SLC24A2: variants seen among roughly 807,000 people sequenced by gnomAD.
SLC24A2 encodes sodium/potassium/calcium exchanger 2.
In SLC24A2, 36 loss-of-function variants were observed where a neutral mutation model predicts 62.0. The observed-to-expected ratio is 0.58, with a 90% CI of 0.44 to 0.77. SLC24A2 has a LOEUF of 0.77. Among genes scored for constraint, SLC24A2 ranks in the 30% least tolerant of loss-of-function variants. SLC24A2 has a pLI of 0.00. For synonymous variants in SLC24A2, 358 were observed against 294.0 expected, an observed-to-expected ratio of 1.22 and a Z score of -2.23; for missense variants, 846 against 817.9, an observed-to-expected ratio of 1.03 and a Z score of -0.42.
At chr9:19,953,867 ATGT>A in the SLC24A2 span, among the ~76,000 whole-genome samples, 1 of 152,090 alleles carries the variant, frequency 6.6e-6, no homozygotes, top group East Asian at 1.9e-4. Context: ...CAAAGATATG[ATGT>A]TATCAAAAGA....
chr9:19,869,232 C>T, the SLC24A2 span, among the ~76,000 whole-genome samples: 9 of 152,274 alleles, frequency 5.9e-5, no homozygotes, highest in South Asian at 2.1e-4. Flanking sequence ...TCTCCTGCCT[C>T]GGACTCCCAA....
At chr9:19,561,376 G>C (rs923507202) in intron 7 of SLC24A2, among the ~76,000 whole-genome samples, 2 of 151,522 alleles carry the variant, frequency 1.3e-5, no homozygotes, top group African/African-American at 4.9e-5. Flanking sequence ...TGAAACATTT[G>C]TCTTGCCTTC....
chr9:19,920,879 G>T, the SLC24A2 span, among the ~76,000 whole-genome samples: 8 of 152,068 alleles, frequency 5.3e-5, no homozygotes, highest in Non-Finnish European at 1.0e-4. Flanking sequence ...GCCAACCTGG[G>T]TTCAAACCAG....
At chr9:20,211,752 G>T in the SLC24A2 span, among the ~76,000 whole-genome samples, 2 of 151,980 alleles carry the variant, frequency 1.3e-5, no homozygotes, top group Non-Finnish European at 2.9e-5. Flanking sequence ...AATTGTTAAC[G>T]AGGAAAGGGA....
the SLC24A2 span, among the ~76,000 whole-genome samples, chr9:20,050,981 C>A: frequency 6.6e-6 from 1 of 151,746 alleles, no homozygotes; most frequent in African/African-American, 2.4e-5. Flanking sequence ...AGAAAAAATA[C>A]GTAAAAGAGG....
At chr9:20,290,147 T>A in the SLC24A2 span, among the ~76,000 whole-genome samples, 1 of 152,172 alleles carries the variant, frequency 6.6e-6, no homozygotes, top group Non-Finnish European at 1.5e-5. Context: ...TATTCTCTGC[T>A]GAAAACAAGG....
the SLC24A2 span, among the ~76,000 whole-genome samples, chr9:19,852,996 C>T: frequency 6.6e-6 from 1 of 152,246 alleles, no homozygotes; most frequent in East Asian, 1.9e-4. Context: ...TTTCCTTGAG[C>T]AATGGTTTGT....
At chr9:20,205,630 A>G in the SLC24A2 span, among the ~76,000 whole-genome samples, 4 of 140,186 alleles carry the variant, frequency 2.9e-5, no homozygotes, top group Non-Finnish European at 6.0e-5. Flanking sequence ...CAGGCTGGGT[A>G]ACAGAGTGAG....
the SLC24A2 span, among the ~76,000 whole-genome samples, chr9:20,042,272 G>C: frequency 6.6e-6 from 1 of 152,190 alleles, no homozygotes; most frequent in African/African-American, 2.4e-5. Context: ...GAAAGGAAAA[G>C]AACAACTTCA....
the SLC24A2 span, among the ~76,000 whole-genome samples, chr9:20,234,537 C>T: frequency 6.6e-6 from 1 of 152,238 alleles, no homozygotes; most frequent in Non-Finnish European, 1.5e-5. Context: ...GAGGCTTCTG[C>T]ATTCATCACG....
At chr9:20,143,514 G>A in the SLC24A2 span, among the ~76,000 whole-genome samples, 1 of 152,172 alleles carries the variant, frequency 6.6e-6, no homozygotes, top group Non-Finnish European at 1.5e-5. Flanking sequence ...TACTGCAAAA[G>A]ATGATGAGAG....
the SLC24A2 span, among the ~76,000 whole-genome samples, chr9:20,097,749 T>C: frequency 8.9e-6 from 1 of 112,070 alleles, no homozygotes; most frequent in Non-Finnish European, 1.8e-5. Flanking sequence ...TTTTTTTTTT[T>C]TTTTTTTTTT....
the SLC24A2 span, among the ~76,000 whole-genome samples, chr9:19,988,051 C>G: frequency 1.3e-5 from 2 of 152,150 alleles, no homozygotes; most frequent in East Asian, 1.9e-4. Context: ...GGAAATAGTT[C>G]CTTATTCACA....
intron 8 of SLC24A2, among the ~76,000 whole-genome samples, chr9:19,542,148 G>A (rs1402642040): frequency 1.3e-5 from 2 of 152,186 alleles, no homozygotes; most frequent in Non-Finnish European, 2.9e-5. Context: ...AGATGGAAAT[G>A]CAGAAATCAC....
chr9:19,779,143 G>T (rs1822934607), intron 2 of SLC24A2, among the ~76,000 whole-genome samples: 1 of 152,188 alleles, frequency 6.6e-6, no homozygotes, highest in Non-Finnish European at 1.5e-5. Context: ...GTGAAAACAC[G>T]TGGAAGGTAA....
the SLC24A2 span, among the ~76,000 whole-genome samples, chr9:20,048,571 G>A: frequency 3.3e-5 from 5 of 152,130 alleles, no homozygotes; most frequent in Non-Finnish European, 7.3e-5. Context: ...CTTGGCAAAT[G>A]TATAACAAAG....
the SLC24A2 span, among the ~76,000 whole-genome samples, chr9:19,869,968 A>C: frequency 5.6e-4 from 85 of 152,322 alleles, no homozygotes; most frequent in African/African-American, 1.9e-3. Flanking sequence ...GTCTTTCTTC[A>C]TCTAGGGATT....
chr9:19,841,586 T>C, the SLC24A2 span, among the ~76,000 whole-genome samples: 1 of 152,234 alleles, frequency 6.6e-6, no homozygotes, highest in Non-Finnish European at 1.5e-5. Flanking sequence ...TTCACCTTTT[T>C]GGCCTGTTCT....
At chr9:19,686,560 T>A (rs1258976750) in intron 2 of SLC24A2, among the ~76,000 whole-genome samples, 5 of 152,126 alleles carry the variant, frequency 3.3e-5, no homozygotes, top group African/African-American at 1.2e-4. Flanking sequence ...AATTTAATCA[T>A]GGGGCGGTTA....
Sources: gnomAD v4.1 joint callset for allele counts (sites outside exome capture counted in the v4.1 genomes callset) on GRCh38, gnomAD v4.1.1 for gene constraint, MANE v1.5 for transcripts, NCBI Gene and HGNC (gene_info 2026-07-23, HGNC 2026-07-21) for gene names.